Variants in CD46 observed in about 807,000 individuals in gnomAD.
CD46 encodes membrane cofactor protein.
Under a neutral mutation model 53.3 loss-of-function variants are expected in CD46, and 30 were observed. The ratio of observed to expected loss-of-function variants is 0.56; its 90% CI spans 0.42 to 0.76. CD46 has a LOEUF of 0.76. CD46 is among the 30% of genes least tolerant of loss of function. The pLI, the probability that CD46 is intolerant of heterozygous loss-of-function variation, is 0.00. For synonymous variants in CD46, 142 were observed against 152.0 expected, an observed-to-expected ratio of 0.93 and a Z score of 0.48; for missense variants, 409 against 463.0, an observed-to-expected ratio of 0.88 and a Z score of 1.07.
At chr1:207,790,474 G>A in intron 12 of CD46, 129 bp downstream of exon 12, 1 of 615,546 alleles carries the variant, frequency 1.6e-6, no homozygotes, top group Non-Finnish European at 2.9e-6. Flanking sequence ...TTACATTCCT[G>A]TTCCCTTTGC....
intron 7 of CD46, chr1:207,769,832 G>C (rs1365182925): frequency 1.2e-5 from 2 of 161,526 alleles, no homozygotes; most frequent in Admixed American, 1.2e-4. Flanking sequence ...GCGCGGTCTT[G>C]GCTCACTGCA....
chr1:207,770,500 C>T (rs1657388925), intron 8 of CD46, 138 bp downstream of exon 8: 1 of 655,534 alleles, frequency 1.5e-6, no homozygotes, highest in Non-Finnish European at 2.8e-6. Context: ...GTTTGCTGCA[C>T]CCATCAACTC....
chr1:207,790,826 C>G (rs776718271), intron 12 of CD46, among the ~76,000 whole-genome samples: 1 of 152,254 alleles, frequency 6.6e-6, no homozygotes, highest in Non-Finnish European at 1.5e-5. Context: ...TTTAGCATAT[C>G]AAAGGAAAAC....
In CD46 at chr1:207,794,059, G is replaced by A. The variant is rs1571714199; in HGVS notation, c.*582G>A. The stretch of plus-strand genomic sequence containing the variant: ...TTAAAAATATGTGTATACTACTTTG[G>A]CTCTTGTGCATAAAAACAAGAACAC... On this transcript the variant is annotated 3_prime_UTR_variant, in exon 13 of 13. Transcript: ENST00000367042. 6.5e-6 allele frequency: 1 copy of A among 154,198 alleles called. No homozygotes were observed. The highest frequency in any genetic ancestry group is 6.4e-5 in the Admixed American group (1 of 15,620). 9.6% of individuals were successfully genotyped at this position (154,198 alleles called of 1,614,324 possible).
Position 207,779,402 on chromosome 1 carries a change from T to G in CD46, c.944-3890T>G, listed in dbSNP as rs181114059. On this transcript the variant is annotated intron_variant, in intron 8 of 12. Transcript: ENST00000367042. ...ATGCTGTACATATTTTTCTGCAACT[T>G]TTTCCACTTACACTCTTAGATTGTA... is the stretch of plus-strand genomic sequence containing the variant. 8.5e-5 allele frequency among the ~76,000 whole-genome samples: 13 copies of G among 152,282 alleles called. No individual in the cohort carries two copies. In the East Asian group the frequency reaches 2.5e-3, roughly 29 times the overall value.
At chr1:207,753,940 T>C (rs1189874629) in intron 1 of CD46, among the ~76,000 whole-genome samples, 1 of 152,208 alleles carries the variant, frequency 6.6e-6, no homozygotes, top group Non-Finnish European at 1.5e-5. Flanking sequence ...TAACAAACCA[T>C]TCCTATTTTC....
At chr1:207,776,375 C>G (rs144622278) in intron 8 of CD46, among the ~76,000 whole-genome samples, 1 of 152,338 alleles carries the variant, frequency 6.6e-6, no homozygotes, top group East Asian at 1.9e-4. Flanking sequence ...CACTGTCCAG[C>G]CAGTCCCAGT....
At position 207,761,410 on chromosome 1, in the gene CD46, A is replaced by C. The variant is rs758583142; in HGVS notation, c.637A>C (p.Asn213His). The change falls in exon 5 of 13, where the codon AAT (asparagine) becomes CAT (histidine). Residue 213 changes from asparagine to histidine, a missense_variant. By Grantham distance (68) the Asn-to-His change is moderately conservative. Transcript: ENST00000367042. ...IGESTIYCGDNSVWSRAAPEC... is the reference protein window; with the variant it reads ...IGESTIYCGDHSVWSRAAPEC... Reference sequence around the variant, plus strand: ...AGAGAGCACGATTTATTGTGGTGACAATTCAGTGTGGAGTCGTGCTGCTCC... The same window carrying C: ...AGAGAGCACGATTTATTGTGGTGACCATTCAGTGTGGAGTCGTGCTGCTCC... 3.7e-6 allele frequency: 6 copies of C among 1,614,008 alleles called. No homozygotes were observed. In the East Asian group the frequency reaches 1.3e-4, roughly 36 times the overall value.
At chr1:207,785,791 T>TA in intron 11 of CD46, 109 bp downstream of exon 11, 2 of 722,810 alleles carry the variant, frequency 2.8e-6, no homozygotes, top group Admixed American at 4.5e-5. Flanking sequence ...TTTTTTTTTT[T>TA]AAAAAAATGC....
intron 8 of CD46, among the ~76,000 whole-genome samples, chr1:207,774,827 C>T (rs941036995): frequency 5.3e-5 from 8 of 152,096 alleles, no homozygotes; most frequent in South Asian, 2.1e-4. Flanking sequence ...TTTTTTCCTT[C>T]GTTTCAACCT....
chr1:207,780,029 C>T (rs1417918443), intron 8 of CD46, among the ~76,000 whole-genome samples: 1 of 144,856 alleles, frequency 6.9e-6, no homozygotes, highest in Non-Finnish European at 1.5e-5. Context: ...AACTTTTTAT[C>T]TTATCATTTT....
At position 207,757,273 on chromosome 1, in the gene CD46, C is replaced by T; in HGVS notation, c.286+71C>T. The T allele has an allele frequency of 7.0e-6, 9 of 1,282,818 alleles. No homozygotes were observed. The South Asian group carries it at 1.1e-4, about 15-fold the overall frequency. The allele number at this position is 1,282,818 out of a possible 1,614,324, so 79.5% of individuals were successfully genotyped here. A position where few individuals can be genotyped will look rare whatever the true frequency, so the allele number is the denominator to read the frequency against. ...TGCATACATTTTGGGGTACATATTC[C>T]ACTACGGTGATGATGATTTTCTTCT... is the stretch of plus-strand genomic sequence containing the variant. On this transcript the variant is annotated intron_variant, in intron 2 of 12. Coordinates refer to ENST00000367042, the MANE Select transcript of CD46 (RefSeq NM_172351.3).
At chr1:207,771,367 G>A (rs1202855822) in intron 8 of CD46, among the ~76,000 whole-genome samples, 3 of 152,168 alleles carry the variant, frequency 2.0e-5, no homozygotes, top group Non-Finnish European at 4.4e-5. Context: ...TCTGATGATA[G>A]TTTCTTTTGC....
At chr1:207,770,623 A>G (rs772465244) in intron 8 of CD46, among the ~76,000 whole-genome samples, 4 of 151,466 alleles carry the variant, frequency 2.6e-5, no homozygotes, top group African/African-American at 4.9e-5. Flanking sequence ...TCGTTGTTCA[A>G]CTCCTACCTA....
At chr1:207,784,214 T>C (rs983602498) in intron 9 of CD46, among the ~76,000 whole-genome samples, 2 of 152,160 alleles carry the variant, frequency 1.3e-5, no homozygotes, top group East Asian at 3.8e-4. Context: ...AAGTATTGTT[T>C]GTGAAGACTT....
chr1:207,780,136 C>T (rs1224059934), intron 8 of CD46, among the ~76,000 whole-genome samples: 1 of 151,836 alleles, frequency 6.6e-6, no homozygotes, highest in Non-Finnish European at 1.5e-5. Flanking sequence ...AATCATCCCA[C>T]ACTGAATCTC....
intron 3 of CD46, 59 bp downstream of exon 3, chr1:207,757,701 T>A: frequency 8.9e-7 from 1 of 1,122,582 alleles, no homozygotes; most frequent in Non-Finnish European, 1.3e-6. Context: ...TTGTTTTGCT[T>A]CTCTTCTTAA....
In CD46 at chr1:207,759,911, T is replaced by TAAA. The variant is rs1655994246; in HGVS notation, c.475+187_475+188insAAA. ...TTTTTAAATAATTATTGATTCTTTT[T>TAAA]GGTTTTGTTTGTTTTTCCTAAGACA... On this transcript the variant is annotated intron_variant, in intron 4 of 12. Coordinates refer to ENST00000367042, the MANE Select transcript of CD46 (RefSeq NM_172351.3). 5.6e-6 allele frequency: 3 copies of TAAA among 531,768 alleles called. No homozygotes were observed. The African/African-American group carries it at 5.8e-5, about 10-fold the overall frequency. The allele number at this position is 531,768 out of a possible 1,614,324, so 32.9% of individuals were successfully genotyped here.
chr1:207,771,025 A>G (rs1296017817), intron 8 of CD46, among the ~76,000 whole-genome samples: 2 of 152,222 alleles, frequency 1.3e-5, no homozygotes, highest in Admixed American at 6.5e-5. Context: ...CCAACAGTGT[A>G]AAAGTGTTCC....
Sources: allele counts gnomAD v4.1 joint callset (sites outside exome capture counted in the v4.1 genomes callset), GRCh38; gene constraint gnomAD v4.1.1; transcripts MANE v1.5; gene names NCBI Gene and HGNC (gene_info 2026-07-23, HGNC 2026-07-21).